Variants in RPTOR observed in about 807,000 individuals in gnomAD.
RPTOR encodes regulatory associated protein of MTOR complex 1, also known as regulatory-associated protein of mTOR.
In RPTOR, 21 loss-of-function variants were observed where a neutral mutation model predicts 169.9. The observed-to-expected ratio is 0.12, with a 90% CI of 0.09 to 0.18. The LOEUF (loss-of-function observed/expected upper bound fraction) is 0.18, where lower values mean the gene tolerates loss of function less well. RPTOR is among the 10% of genes least tolerant of loss of function. The probability of loss-of-function intolerance (pLI) is 1.00; values close to 1 mark genes in which losing one functional copy is unlikely to be tolerated. For missense variants in RPTOR, 1,133 were observed against 1,855.9 expected (o/e 0.61, Z 7.16); for synonymous variants, 732 against 753.2 (o/e 0.97, Z 0.46).
intron 9 of RPTOR, among the ~76,000 whole-genome samples, chr17:80,835,800 G>A (rs1373668687): frequency 6.6e-6 from 1 of 152,074 alleles, no homozygotes; most frequent in Admixed American, 6.5e-5. Context: ...TGAAAATATC[G>A]GAAACCCAAA....
In RPTOR at chr17:80,957,473, C is replaced by T. The variant is rs957882965; in HGVS notation, c.3371-151C>T. ...GGCACACCAGGGTCCCTAGCGGGAG[C>T]TCATATGAGGCATATGGACCCACCA... is the stretch of plus-strand genomic sequence containing the variant. On this transcript the variant is annotated intron_variant, in intron 28 of 33. Coordinates refer to ENST00000306801, the MANE Select transcript of RPTOR (RefSeq NM_020761.3). This position sits in a 1 kb window ranked among gnomAD's most constrained non-coding sequence, Gnocchi z 4.6. The T allele has an allele frequency of 2.9e-6, 2 of 692,946 alleles. No homozygotes were observed. The highest frequency in any genetic ancestry group is 5.2e-6 in the Non-Finnish European group (2 of 388,024). The allele number at this position is 692,946 out of a possible 1,614,324, so 42.9% of individuals were successfully genotyped here. A position where few individuals can be genotyped will look rare whatever the true frequency, so the allele number is the denominator to read the frequency against.
At chr17:80,905,550 C>T (rs2068530217) in intron 20 of RPTOR, among the ~76,000 whole-genome samples, 1 of 151,258 alleles carries the variant, frequency 6.6e-6, no homozygotes, top group Non-Finnish European at 1.5e-5. Flanking sequence ...GAGCCGGGAT[C>T]GCGCTGCTGC....
At chr17:80,612,069 G>C (rs773799824) in intron 1 of RPTOR, among the ~76,000 whole-genome samples, 2 of 152,106 alleles carry the variant, frequency 1.3e-5, no homozygotes, top group African/African-American at 4.8e-5. Flanking sequence ...CATTACACCA[G>C]GAAGTGATCA....
chr17:80,670,485 G>A (rs929768308), intron 3 of RPTOR, among the ~76,000 whole-genome samples: 1 of 152,110 alleles, frequency 6.6e-6, no homozygotes, highest in South Asian at 2.1e-4. Context: ...ACGCCTGCCC[G>A]CTGCTTCGTC....
chr17:80,728,446 G>GGGGTGTGTGTGTGT (rs1555612016), intron 4 of RPTOR, among the ~76,000 whole-genome samples: 1 of 148,176 alleles, frequency 6.7e-6, no homozygotes, highest in African/African-American at 2.5e-5. Context: ...TCCACTCTGG[G>GGGGTGTGTGTGTGT]GTGTGTGTGT....
At chr17:80,745,426 G>A (rs910351455) in intron 5 of RPTOR, among the ~76,000 whole-genome samples, 8 of 152,284 alleles carry the variant, frequency 5.3e-5, no homozygotes, top group African/African-American at 1.9e-4. Context: ...CTCTCAGCCT[G>A]GATGTGATAG....
intron 5 of RPTOR, among the ~76,000 whole-genome samples, chr17:80,745,006 C>A (rs1466370693): frequency 6.6e-6 from 1 of 152,084 alleles, no homozygotes; most frequent in African/African-American, 2.4e-5. Context: ...GTTACTAGCA[C>A]AGTCCTGGCT....
intron 3 of RPTOR, among the ~76,000 whole-genome samples, chr17:80,679,653 A>T (rs1249529584): frequency 6.6e-6 from 1 of 152,184 alleles, no homozygotes; most frequent in African/African-American, 2.4e-5. Flanking sequence ...TCCTGTTTTG[A>T]AAAAGGCAGG....
intron 5 of RPTOR, among the ~76,000 whole-genome samples, chr17:80,747,162 G>A (rs890787134): frequency 2.0e-5 from 3 of 152,238 alleles, no homozygotes; most frequent in Admixed American, 2.0e-4. Context: ...GTTGCAGTGA[G>A]CCAAGATTGC....
chr17:80,672,370 T>C (rs528358694), intron 3 of RPTOR, among the ~76,000 whole-genome samples: 114 of 151,032 alleles, frequency 7.5e-4, no homozygotes, highest in African/African-American at 2.5e-3. Context: ...AAGGTTCTTT[T>C]TTTTTTTTTT....
intron 12 of RPTOR, among the ~76,000 whole-genome samples, chr17:80,856,723 A>C (rs2067856513): frequency 6.6e-6 from 1 of 152,176 alleles, no homozygotes; most frequent in Admixed American, 6.5e-5. Flanking sequence ...TATTGCGTGC[A>C]CTCTAAGAAG....
intron 7 of RPTOR, among the ~76,000 whole-genome samples, chr17:80,813,751 T>C (rs2067296003): frequency 6.6e-6 from 1 of 152,258 alleles, no homozygotes; most frequent in Admixed American, 6.5e-5. Context: ...CAAGCTTCTC[T>C]ACACCGTCAT....
At chr17:80,827,641 C>T (rs557726879) in intron 9 of RPTOR, among the ~76,000 whole-genome samples, 2 of 152,168 alleles carry the variant, frequency 1.3e-5, no homozygotes, top group Non-Finnish European at 2.9e-5. Context: ...CACGTTCAAG[C>T]CTGTCCACCT....
chr17:80,909,095 CTG>C (rs1336649366), intron 21 of RPTOR, among the ~76,000 whole-genome samples, 166 bp downstream of exon 21: 4 of 152,234 alleles, frequency 2.6e-5, no homozygotes, highest in African/African-American at 9.7e-5. Flanking sequence ...ACACCCCAAA[CTG>C]TGTCTGTGCA....
chr17:80,785,142 A>T (rs777759940), intron 6 of RPTOR, among the ~76,000 whole-genome samples: 5 of 152,226 alleles, frequency 3.3e-5, no homozygotes, highest in Non-Finnish European at 7.3e-5. Flanking sequence ...CTTCAGTGAC[A>T]CCTTCATCAG....
chr17:80,664,341 G>A lies in RPTOR; in HGVS notation c.348+20531G>A, dbSNP rs145577069. ...CCCTAAGTAACAGAAGCAATCCTGA[G>A]AAAATAATTCTTACACTCAGTATTG... On this transcript the variant is annotated intron_variant, in intron 3 of 33. Coordinates refer to ENST00000306801, the MANE Select transcript of RPTOR (RefSeq NM_020761.3). 1.0e-3 allele frequency among the ~76,000 whole-genome samples: 154 copies of A among 152,278 alleles called. 1 individual carries two copies. The highest frequency in any genetic ancestry group is 3.6e-3 in the African/African-American group (150 of 41,544).
intron 4 of RPTOR, among the ~76,000 whole-genome samples, chr17:80,714,919 C>T (rs772571713): frequency 1.5e-4 from 23 of 152,212 alleles, no homozygotes; most frequent in Admixed American, 7.9e-4. Flanking sequence ...GATGGGGTTT[C>T]GCCATGTTGG....
intron 1 of RPTOR, among the ~76,000 whole-genome samples, chr17:80,594,857 C>T (rs1225098909): frequency 6.6e-6 from 1 of 152,216 alleles, no homozygotes; most frequent in East Asian, 1.9e-4. Flanking sequence ...AGATGAACCC[C>T]TGCAACATCT....
chr17:80,606,936 C>T (rs903834885), intron 1 of RPTOR, among the ~76,000 whole-genome samples: 5 of 152,148 alleles, frequency 3.3e-5, no homozygotes, highest in East Asian at 1.9e-4. Flanking sequence ...CTTGAGATTT[C>T]TAGAGGGAGC....
Sources: gnomAD v4.1 joint callset for allele counts (sites outside exome capture counted in the v4.1 genomes callset) on GRCh38, gnomAD v4.1.1 for gene constraint, Gnocchi (gnomAD v3.1) non-coding constraint, MANE v1.5 for transcripts, NCBI Gene and HGNC (gene_info 2026-07-23, HGNC 2026-07-21) for gene names.